CABP1: variants seen among roughly 807,000 people sequenced by gnomAD.
CABP1 encodes calcium binding protein 1, also known as calcium-binding protein 1.
A neutral mutation model predicts 34.3 loss-of-function variants in CABP1; 17 were observed. That is an observed-to-expected ratio of 0.50 (90% CI 0.34 to 0.74). The LOEUF (loss-of-function observed/expected upper bound fraction) is 0.74, where lower values mean the gene tolerates loss of function less well. CABP1 is among the 30% of genes least tolerant of loss of function. CABP1 has a pLI of 0.01. For missense variants in CABP1, 373 were observed against 511.1 expected, an observed-to-expected ratio of 0.73 and a Z score of 2.61; for synonymous variants, 198 against 229.2, an observed-to-expected ratio of 0.86 and a Z score of 1.23.
At chr12:120,668,161 T>G (rs1044417606), downstream of CABP1, among the ~76,000 whole-genome samples, 1 of 151,900 alleles carries the variant, frequency 6.6e-6, no homozygotes, top group African/African-American at 2.4e-5. Flanking sequence ...AGGGTTTTGC[T>G]CTGGAGGAAG....
chr12:120,655,948 C>T, intron 1 of CABP1: 2 of 1,540,312 alleles, frequency 1.3e-6, no homozygotes, highest in Non-Finnish European at 1.7e-6. Flanking sequence ...AATTTGATGC[C>T]TGTGCACGCT....
At chr12:120,645,177 T>A (rs1199769319) in intron 1 of CABP1, among the ~76,000 whole-genome samples, 1 of 152,100 alleles carries the variant, frequency 6.6e-6, no homozygotes, top group Non-Finnish European at 1.5e-5. Flanking sequence ...TAAGCCTAGG[T>A]TCCTAAGATA....
chr12:120,665,037 A>G (rs1237773454), intron 5 of CABP1, among the ~76,000 whole-genome samples: 1 of 151,228 alleles, frequency 6.6e-6, no homozygotes. Context: ...AGGCAAAACT[A>G]TGGAGACAGT....
chr12:120,642,306 G>T (rs1008619516), intron 1 of CABP1, among the ~76,000 whole-genome samples: 12 of 152,080 alleles, frequency 7.9e-5, no homozygotes, highest in African/African-American at 2.4e-4. Flanking sequence ...AAACAGGGGG[G>T]GCTGTGCCTT....
chr12:120,656,109 A>C, intron 1 of CABP1: 1 of 1,614,212 alleles, frequency 6.2e-7, no homozygotes, highest in South Asian at 1.1e-5. Context: ...CAGGAGGAAC[A>C]GACCAGCTAC....
Position 120,667,152 on chromosome 12 carries a change from G to T in CABP1, c.*252G>T. 1.7e-6 allele frequency: 1 copy of T among 577,494 alleles called. No individual in the cohort carries two copies. Among genetic ancestry groups the T allele is most frequent in the Admixed American group, 3.0e-5 (1 of 32,940 alleles). The allele number at this position is 577,494 out of a possible 1,614,324, so 35.8% of individuals were successfully genotyped here. A position where few individuals can be genotyped will look rare whatever the true frequency, so the allele number is the denominator to read the frequency against. On this transcript the variant is annotated 3_prime_UTR_variant, in exon 6 of 6. Transcript: ENST00000316803. ...GCCAAGCCGGCAGAGGTCATGCCAGGCGCCAAGGGCCATGTGCCCAGCTGC... is the reference window on the plus strand; with the variant it reads ...GCCAAGCCGGCAGAGGTCATGCCAGTCGCCAAGGGCCATGTGCCCAGCTGC...
chr12:120,650,951 T>C (rs767436754), intron 1 of CABP1, among the ~76,000 whole-genome samples: 15 of 152,058 alleles, frequency 9.9e-5, no homozygotes, highest in Non-Finnish European at 2.1e-4. Context: ...GTTTCTAGGA[T>C]GTAAAATGAA....
At position 120,660,343 on chromosome 12, in the gene CABP1, A is replaced by C; in HGVS notation, c.829+4A>C. ...TCCCAGCAGATCAACATGAACCGTG[A>C]GTCCCTCTACCAGGCATCTGCGTCC... On this transcript the variant is annotated splice_donor_region_variant and intron_variant, in intron 3 of 5. Transcript: ENST00000316803. The surrounding 1 kb of genome is among the most constrained non-coding windows in gnomAD (Gnocchi z 5.0). 6.2e-7 allele frequency: 1 copy of C among 1,612,036 alleles called. No homozygotes were observed.
At chr12:120,658,704 G>A (rs764777681) in intron 1 of CABP1, among the ~76,000 whole-genome samples, 35 of 152,276 alleles carry the variant, frequency 2.3e-4, no homozygotes, top group Non-Finnish European at 3.8e-4. Flanking sequence ...TCCTGGCCCC[G>A]TTGGCTGGAA....
Position 120,661,466 on chromosome 12 carries a change from A to C in CABP1, c.1087+248A>C. 1 of 458,736 alleles carries C rather than the reference A, an allele frequency of 2.2e-6. No homozygotes were observed. The highest frequency in any genetic ancestry group is 3.9e-6 in the Non-Finnish European group (1 of 256,182). 28.4% of individuals were successfully genotyped at this position (458,736 alleles called of 1,614,324 possible). A position where few individuals can be genotyped will look rare whatever the true frequency, so the allele number is the denominator to read the frequency against. ...TTTCCATTCATCTGTCCATTTATCC[A>C]TCCATTCATCTACCTATCTATCCAT... On this transcript the variant is annotated intron_variant, in intron 5 of 5. Transcript: ENST00000316803. This position sits in a 1 kb window ranked among gnomAD's most constrained non-coding sequence, Gnocchi z 5.1.
chr12:120,645,049 T>A (rs1879486684), intron 1 of CABP1, among the ~76,000 whole-genome samples: 1 of 152,110 alleles, frequency 6.6e-6, no homozygotes, highest in Non-Finnish European at 1.5e-5. Flanking sequence ...AAGTGATCCA[T>A]CCGCCTCAAC....
At position 120,661,880 on chromosome 12, in the gene CABP1, TCGTG is replaced by T. The variant is rs1324109147; in HGVS notation, c.1087+664_1087+667del. On this transcript the variant is annotated intron_variant, in intron 5 of 5. Coordinates refer to ENST00000316803, the MANE Select transcript of CABP1 (RefSeq NM_001033677.2). This position sits in a 1 kb window ranked among gnomAD's most constrained non-coding sequence, Gnocchi z 5.1. Reference sequence around the variant, plus strand: ...TTTATCCATGCATTTATCTGTCCATTCGTGCATCTATTCATTCTTCTCTACATTC... The same window carrying T: ...TTTATCCATGCATTTATCTGTCCATTCATCTATTCATTCTTCTCTACATTC... 1 of 152,982 alleles carries T rather than the reference TCGTG, an allele frequency of 6.5e-6. No individual in the cohort carries two copies. The highest frequency in any genetic ancestry group is 1.5e-5 in the Non-Finnish European group (1 of 68,552). 9.5% of individuals were successfully genotyped at this position (152,982 alleles called of 1,614,324 possible).
intron 1 of CABP1, among the ~76,000 whole-genome samples, chr12:120,642,566 C>G (rs770410439): frequency 1.3e-5 from 2 of 152,072 alleles, no homozygotes; most frequent in East Asian, 1.9e-4. Flanking sequence ...AGGGAGCCCT[C>G]GTTAGCCGAG....
In CABP1 at chr12:120,667,137, C is replaced by T; in HGVS notation, c.*237C>T. 3.4e-6 allele frequency: 2 copies of T among 589,918 alleles called. No homozygotes were observed. Among genetic ancestry groups the T allele is most frequent in the Admixed American group, 3.0e-5 (1 of 33,618 alleles). The allele number at this position is 589,918 out of a possible 1,614,324, so 36.5% of individuals were successfully genotyped here. The stretch of plus-strand genomic sequence containing the variant: ...CGAGGAGGCCACCGTGCCAAGCCGG[C>T]AGAGGTCATGCCAGGCGCCAAGGGC... On this transcript the variant is annotated 3_prime_UTR_variant, in exon 6 of 6. Transcript: ENST00000316803.
chr12:120,668,173 C>A (rs543541927), downstream of CABP1, among the ~76,000 whole-genome samples: 1 of 149,874 alleles, frequency 6.7e-6, no homozygotes, highest in South Asian at 2.2e-4. Context: ...TGGAGGAAGT[C>A]CCAGTGTGTG....
At chr12:120,676,584 C>T in the CABP1 span, among the ~76,000 whole-genome samples, 20 of 152,004 alleles carry the variant, frequency 1.3e-4, no homozygotes, top group African/African-American at 4.6e-4. Flanking sequence ...TGCGCCACCA[C>T]ACCCGGCTAA....
At chr12:120,674,177 A>G in the CABP1 span, among the ~76,000 whole-genome samples, 2 of 152,228 alleles carry the variant, frequency 1.3e-5, no homozygotes, top group African/African-American at 2.4e-5. Context: ...GAACGAGGCC[A>G]TATCTCAAAA....
the CABP1 span, among the ~76,000 whole-genome samples, chr12:120,676,692 G>A: frequency 2.6e-5 from 4 of 152,192 alleles, no homozygotes; most frequent in Non-Finnish European, 4.4e-5. Flanking sequence ...CTCCCAAAGT[G>A]TTGGGATTAC....
Position 120,666,894 on chromosome 12 carries a change from C to A in CABP1, c.1107C>A (p.Ser369=). Reference sequence around the variant, plus strand: ...TTCTAGAGTTTGTCCGGATGATGTCCCGCTGAGGCCGCGAGGGCCCCTCCA... The same window carrying A: ...TTCTAGAGTTTGTCCGGATGATGTCACGCTGAGGCCGCGAGGGCCCCTCCA... The part of the protein sequence containing the change: ...VDFEEFVRMM[S]R Residue 369 remains serine (S), a synonymous_variant, in exon 6 of 6, where the codon TCC becomes TCA. Coordinates refer to ENST00000316803, the MANE Select transcript of CABP1 (RefSeq NM_001033677.2). The A allele has an allele frequency of 6.2e-7, 1 of 1,605,450 alleles. No individual in the cohort carries two copies. Among genetic ancestry groups the A allele is most frequent in the South Asian group, 1.1e-5 (1 of 90,160 alleles).
Sources: allele counts gnomAD v4.1 joint callset (sites outside exome capture counted in the v4.1 genomes callset), GRCh38; gene constraint gnomAD v4.1.1; non-coding constraint Gnocchi (gnomAD v3.1); transcripts MANE v1.5; gene names NCBI Gene and HGNC (gene_info 2026-07-23, HGNC 2026-07-21).